The following VAT1L variants were observed in gnomAD, a reference collection of about 807,000 sequenced individuals.
VAT1L encodes putative NADPH-dependent quinone oxidoreductase VAT1L.
VAT1L carries 34 observed loss-of-function variants against 44.1 expected under a neutral mutation model. The observed-to-expected ratio is 0.77, with a 90% CI of 0.59 to 1.03. VAT1L has a LOEUF of 1.03. Among genes scored for constraint, VAT1L ranks in the 50% least tolerant of loss-of-function variants. VAT1L has a pLI of 0.00. For synonymous variants in VAT1L, 253 were observed against 202.2 expected, an observed-to-expected ratio of 1.25 and a Z score of -2.13; for missense variants, 615 against 538.8, an observed-to-expected ratio of 1.14 and a Z score of -1.40.
At chr16:77,877,166 C>T (rs1406533990) in intron 5 of VAT1L, among the ~76,000 whole-genome samples, 1 of 152,150 alleles carries the variant, frequency 6.6e-6, no homozygotes, top group Non-Finnish European at 1.5e-5. Context: ...GGCCTCCTTT[C>T]TCTCTTCTTT....
intron 4 of VAT1L, among the ~76,000 whole-genome samples, chr16:77,863,270 TGTCTTGG>T (rs1199602724): frequency 2.6e-5 from 4 of 152,224 alleles, no homozygotes; most frequent in Non-Finnish European, 5.9e-5. Context: ...GTTCCACTAT[TGTCTTGG>T]GTCTAAAGGT....
chr16:77,883,335 G>C (rs1249625078), intron 6 of VAT1L, among the ~76,000 whole-genome samples: 3 of 152,104 alleles, frequency 2.0e-5, no homozygotes, highest in Admixed American at 6.6e-5. Context: ...CAAAGCAGTT[G>C]GATCCCCATT....
intron 7 of VAT1L, among the ~76,000 whole-genome samples, chr16:77,926,831 T>C (rs1201072633): frequency 6.6e-6 from 1 of 152,062 alleles, no homozygotes; most frequent in Non-Finnish European, 1.5e-5. Context: ...TCTCCCTTGG[T>C]GGGGACACCC....
At chr16:77,861,599 A>G (rs938066281) in intron 3 of VAT1L, among the ~76,000 whole-genome samples, 1 of 152,230 alleles carries the variant, frequency 6.6e-6, no homozygotes, top group African/African-American at 2.4e-5. Context: ...CCTGTGTTGC[A>G]AAATACCTTA....
intron 1 of VAT1L, among the ~76,000 whole-genome samples, chr16:77,808,034 G>GGTCT: frequency 6.6e-6 from 1 of 151,740 alleles, no homozygotes; most frequent in Non-Finnish European, 1.5e-5. Flanking sequence ...AGGGCTCCCT[G>GGTCT]GGCCACAGAC....
At chr16:77,856,058 A>G (rs1212236642) in intron 3 of VAT1L, among the ~76,000 whole-genome samples, 3 of 152,164 alleles carry the variant, frequency 2.0e-5, no homozygotes, top group African/African-American at 7.2e-5. Flanking sequence ...GTAGTGATAG[A>G]ATGAATGACT....
chr16:77,891,218 A>G (rs1415885882), intron 7 of VAT1L, among the ~76,000 whole-genome samples: 2 of 151,922 alleles, frequency 1.3e-5, no homozygotes, highest in African/African-American at 2.4e-5. Context: ...GCCGGGCGTG[A>G]TGGCAGGCGC....
intron 4 of VAT1L, among the ~76,000 whole-genome samples, chr16:77,870,100 A>G (rs528417923): frequency 2.1e-4 from 32 of 152,354 alleles, no homozygotes; most frequent in African/African-American, 7.0e-4. Flanking sequence ...AACACTTACC[A>G]AGAAGCCTAC....
chr16:77,825,411 A>G lies in VAT1L; in HGVS notation c.529A>G (p.Asn177Asp). 1 of 1,610,536 alleles carries G rather than the reference A, an allele frequency of 6.2e-7. No individual in the cohort carries two copies. Among genetic ancestry groups the G allele is most frequent in the Non-Finnish European group, 8.5e-7 (1 of 1,178,236 alleles). ...CTATGTGATGCTGTTTGAAGTTGCC[A>G]ACCTCCGGGAAGGGATGTCTGTGCT... ...TAYVMLFEVA[N>D]LREGMSVLVH... Residue 177 changes from asparagine (N) to aspartate (D), a missense_variant, in exon 3 of 9, where the codon AAC (asparagine) becomes GAC (aspartate). Physicochemically the swap from Asn to Asp is conservative, Grantham distance 23. Coordinates refer to ENST00000302536, the MANE Select transcript of VAT1L (RefSeq NM_020927.3).
At chr16:77,854,951 C>T (rs1029347620) in intron 3 of VAT1L, among the ~76,000 whole-genome samples, 1 of 152,166 alleles carries the variant, frequency 6.6e-6, no homozygotes, top group Non-Finnish European at 1.5e-5. Context: ...TCTCCAAATA[C>T]ACTGTTTTTG....
intron 7 of VAT1L, among the ~76,000 whole-genome samples, chr16:77,968,498 G>A (rs1414312573): frequency 6.6e-6 from 1 of 152,200 alleles, no homozygotes; most frequent in Non-Finnish European, 1.5e-5. Context: ...GGCCAAGGCA[G>A]GCGGATCACA....
intron 1 of VAT1L, among the ~76,000 whole-genome samples, chr16:77,791,035 A>G (rs1370965764): frequency 6.6e-6 from 1 of 152,178 alleles, no homozygotes; most frequent in Non-Finnish European, 1.5e-5. Flanking sequence ...CAGTGTTGCA[A>G]ACAGCCCAGA....
intron 7 of VAT1L, among the ~76,000 whole-genome samples, chr16:77,948,242 T>G (rs973444571): frequency 6.6e-6 from 1 of 152,230 alleles, no homozygotes; most frequent in African/African-American, 2.4e-5. Context: ...AGGCTGCATG[T>G]GCTCATCTCT....
chr16:77,799,523 G>C (rs1826497590), intron 1 of VAT1L, among the ~76,000 whole-genome samples: 1 of 52,692 alleles, frequency 1.9e-5, no homozygotes, highest in Non-Finnish European at 6.7e-5. Flanking sequence ...GTGTGTGTGT[G>C]TGTGTGTGTG....
At chr16:77,862,473 G>A (rs750564224) in intron 3 of VAT1L, among the ~76,000 whole-genome samples, 3 of 151,822 alleles carry the variant, frequency 2.0e-5, no homozygotes, top group Non-Finnish European at 4.4e-5. Flanking sequence ...AAAATTAACC[G>A]GGCATGGCAG....
chr16:77,871,062 T>G (rs1238262002), intron 4 of VAT1L, among the ~76,000 whole-genome samples: 1 of 152,156 alleles, frequency 6.6e-6, no homozygotes, highest in African/African-American at 2.4e-5. Context: ...GGTGGAGCAC[T>G]TTTCAATTTT....
chr16:77,963,228 G>A (rs888219672), intron 7 of VAT1L, among the ~76,000 whole-genome samples: 4 of 152,130 alleles, frequency 2.6e-5, no homozygotes, highest in African/African-American at 7.2e-5. Context: ...ATGGAAAAAC[G>A]GACTTTGCCG....
At chr16:77,800,084 G>A (rs1440265228) in intron 1 of VAT1L, 1 of 152,136 alleles carries the variant, frequency 6.6e-6, no homozygotes, top group East Asian at 1.9e-4. Flanking sequence ...CCTCTCACAT[G>A]CAGATCTGTG....
intron 7 of VAT1L, chr16:77,892,572 C>T (rs2017279232): frequency 1.6e-6 from 1 of 618,978 alleles, no homozygotes. Flanking sequence ...TATAAGGGTT[C>T]ATGCTTTCAC....
Sources: gnomAD v4.1 joint callset for allele counts (sites outside exome capture counted in the v4.1 genomes callset) on GRCh38, gnomAD v4.1.1 for gene constraint, MANE v1.5 for transcripts, NCBI Gene and HGNC (gene_info 2026-07-23, HGNC 2026-07-21) for gene names.